ANKRD44: variants seen among roughly 807,000 people sequenced by gnomAD.
ANKRD44 encodes the protein ankyrin repeat domain 44.
Under a neutral mutation model 116.0 loss-of-function variants are expected in ANKRD44, and 35 were observed. That is an observed-to-expected ratio of 0.30 (90% confidence interval 0.23 to 0.40). The LOEUF (loss-of-function observed/expected upper bound fraction) is 0.40, where lower values mean the gene tolerates loss of function less well. Ranked by LOEUF, ANKRD44 falls within the 10% of genes least tolerant of loss-of-function variation. The probability of loss-of-function intolerance (pLI) is 1.00; values close to 1 mark genes in which losing one functional copy is unlikely to be tolerated. For synonymous variants in ANKRD44, 435 were observed against 461.8 expected (o/e 0.94, Z 0.74); for missense variants, 1,014 against 1,242.6 (o/e 0.82, Z 2.77).
At chr2:197,065,693 A>G (rs2077416915) in intron 16 of ANKRD44, among the ~76,000 whole-genome samples, 1 of 152,212 alleles carries the variant, frequency 6.6e-6, no homozygotes, top group Non-Finnish European at 1.5e-5. Flanking sequence ...TAAACTAGAA[A>G]ATCTAGAAGA....
Position 197,122,075 on chromosome 2 carries a change from C to G in ANKRD44, c.694-531G>C, listed in dbSNP as rs531756639. Among the ~76,000 whole-genome samples the G allele has an allele frequency of 6.6e-5, 10 of 152,268 alleles. No homozygotes were observed. In the South Asian group the frequency reaches 1.0e-3, roughly 16 times the overall value. On this transcript the variant is annotated intron_variant, in intron 7 of 27. Coordinates refer to ENST00000282272, the MANE Select transcript of ANKRD44 (RefSeq NM_001195144.2). ...TTTAGTAGCAGAGCAGTGGTGCCGT[C>G]AGGAGGTGTGTTTCGTCCACGGCTC...
intron 9 of ANKRD44, among the ~76,000 whole-genome samples, chr2:197,103,652 TG>T (rs1312304032): frequency 6.6e-6 from 1 of 152,166 alleles, no homozygotes; most frequent in African/African-American, 2.4e-5. Context: ...TCTAGAAAGG[TG>T]TGATACATTT....
At chr2:197,285,336 T>C (rs1262662782) in intron 1 of ANKRD44, among the ~76,000 whole-genome samples, 1 of 152,144 alleles carries the variant, frequency 6.6e-6, no homozygotes, top group Admixed American at 6.5e-5. Flanking sequence ...CTACCTGTGA[T>C]ACCCAGATCC....
At chr2:197,214,885 T>C (rs2081409545) in intron 1 of ANKRD44, among the ~76,000 whole-genome samples, 1 of 152,056 alleles carries the variant, frequency 6.6e-6, no homozygotes, top group Non-Finnish European at 1.5e-5. Flanking sequence ...TGTTTTTGTT[T>C]TGTTTTTTTT....
At chr2:197,097,634 T>C (rs1274446247) in intron 10 of ANKRD44, among the ~76,000 whole-genome samples, 2 of 152,264 alleles carry the variant, frequency 1.3e-5, no homozygotes, top group African/African-American at 4.8e-5. Context: ...GCCTCATCTT[T>C]AGCCCAAGAC....
rs138366073 is a variant in ANKRD44, at chr2:197,138,164, T to C, written c.191-1502A>G. On this transcript the variant is annotated intron_variant, in intron 3 of 27. Coordinates refer to ENST00000282272, the MANE Select transcript of ANKRD44 (RefSeq NM_001195144.2). ...CAGGTGCTAAGGAGAATTAAGTGAATAGGAAAGTGCTTTGTAAATTGCAAG... is the reference window on the plus strand; with the variant it reads ...CAGGTGCTAAGGAGAATTAAGTGAACAGGAAAGTGCTTTGTAAATTGCAAG... Among the ~76,000 whole-genome samples the C allele has an allele frequency of 5.3e-3, 807 of 152,326 alleles. 12 individuals carry two copies. The highest frequency in any genetic ancestry group is 7.1e-3 in the Admixed American group (109 of 15,306).
chr2:197,272,090 C>T (rs1364610587), intron 1 of ANKRD44, among the ~76,000 whole-genome samples: 3 of 152,104 alleles, frequency 2.0e-5, no homozygotes, highest in East Asian at 3.8e-4. Context: ...CATGTGAGAT[C>T]GAGATCACAA....
intron 10 of ANKRD44, among the ~76,000 whole-genome samples, chr2:197,096,921 G>A (rs554750868): frequency 2.5e-4 from 38 of 152,154 alleles, no homozygotes; most frequent in African/African-American, 9.2e-4. Flanking sequence ...CTGCCCTAAG[G>A]AACCATTGTC....
At chr2:197,122,369 G>A (rs944522596) in intron 7 of ANKRD44, among the ~76,000 whole-genome samples, 1 of 152,056 alleles carries the variant, frequency 6.6e-6, no homozygotes, top group Non-Finnish European at 1.5e-5. Context: ...GCAGAACCTT[G>A]GCCAGTCTTT....
intron 1 of ANKRD44, among the ~76,000 whole-genome samples, chr2:197,235,614 TAA>T (rs5837532): frequency 4.0e-5 from 4 of 100,910 alleles, no homozygotes. Flanking sequence ...AGACTCTGTC[TAA>T]AAAAAAAAAA....
chr2:197,308,992 T>C (rs2084159304), intron 1 of ANKRD44, among the ~76,000 whole-genome samples: 2 of 152,246 alleles, frequency 1.3e-5, no homozygotes, highest in Admixed American at 1.3e-4. Flanking sequence ...TTTTGTCATT[T>C]AGAAAATGAA....
At chr2:196,968,225 G>A (rs1473661926) in intron 21 of ANKRD44, among the ~76,000 whole-genome samples, 1 of 152,136 alleles carries the variant, frequency 6.6e-6, no homozygotes, top group East Asian at 1.9e-4. Flanking sequence ...ATTATCAGAA[G>A]AGACCAAATG....
chr2:197,033,380 G>C (rs1452381050), intron 16 of ANKRD44, among the ~76,000 whole-genome samples: 1 of 152,160 alleles, frequency 6.6e-6, no homozygotes, highest in Non-Finnish European at 1.5e-5. Context: ...GATTTTCACT[G>C]ATAAAAGCCG....
intron 1 of ANKRD44, among the ~76,000 whole-genome samples, chr2:197,194,284 A>C (rs975554366): frequency 6.6e-6 from 1 of 152,166 alleles, no homozygotes; most frequent in Admixed American, 6.5e-5. Flanking sequence ...CTAATCTATA[A>C]AGCCAATAAC....
rs74358803 is a variant in ANKRD44 at position 197,259,871 on chromosome 2, G to A, written c.27+50707C>T. On this transcript the variant is annotated intron_variant, in intron 1 of 27. Coordinates refer to ENST00000282272, the MANE Select transcript of ANKRD44 (RefSeq NM_001195144.2). ...AACTCATTGAAAAGAATATGGTTGA[G>A]GAGTTTCACATTTGTGTGGGATTCC... is the stretch of plus-strand genomic sequence containing the variant. 6.6e-5 allele frequency among the ~76,000 whole-genome samples: 10 copies of A among 152,258 alleles called. No individual in the cohort carries two copies. In the East Asian group the frequency reaches 1.9e-3, roughly 29 times the overall value.
At chr2:197,089,801 C>T (rs1363285768) in intron 11 of ANKRD44, 149 bp downstream of exon 11, 2 of 599,604 alleles carry the variant, frequency 3.3e-6, no homozygotes, top group African/African-American at 1.9e-5. Context: ...GGAGCTGTCA[C>T]ATGCAGTTAG....
At chr2:196,977,740 T>C (rs2075770792) in intron 21 of ANKRD44, among the ~76,000 whole-genome samples, 1 of 152,178 alleles carries the variant, frequency 6.6e-6, no homozygotes. Flanking sequence ...CTCTTATACA[T>C]TGCTGATGGG....
chr2:197,164,656 C>G (rs2080061777), intron 2 of ANKRD44, among the ~76,000 whole-genome samples: 1 of 152,180 alleles, frequency 6.6e-6, no homozygotes, highest in Admixed American at 6.5e-5. Flanking sequence ...GTCGCTGGCC[C>G]CTCCTGCCCC....
At chr2:197,262,201 G>C (rs934118049) in intron 1 of ANKRD44, among the ~76,000 whole-genome samples, 1 of 152,172 alleles carries the variant, frequency 6.6e-6, no homozygotes, top group Admixed American at 6.5e-5. Context: ...TAGCCAGAAA[G>C]AATAAATGGC....
Sources: gnomAD v4.1 joint callset for allele counts (sites outside exome capture counted in the v4.1 genomes callset) on GRCh38, gnomAD v4.1.1 for gene constraint, MANE v1.5 for transcripts, NCBI Gene and HGNC (gene_info 2026-07-23, HGNC 2026-07-21) for gene names.